ELP4: variants seen among roughly 807,000 people sequenced by gnomAD.
ELP4 encodes the protein elongator acetyltransferase complex subunit 4, also known as elongator complex protein 4.
Under a neutral mutation model 48.9 loss-of-function variants are expected in ELP4, and 51 were observed. That is an observed-to-expected ratio of 1.04 (90% CI 0.83 to 1.32). The LOEUF is 1.32. Ranked by LOEUF, ELP4 falls within the 40% of genes most tolerant of loss-of-function variation. ELP4 has a pLI of 0.00. For synonymous variants in ELP4, 210 were observed against 189.2 expected (o/e 1.11, Z -0.90); for missense variants, 519 against 514.6 (o/e 1.01, Z -0.08).
chr11:31,550,895 C>G (rs1409492873), intron 3 of ELP4, among the ~76,000 whole-genome samples: 1 of 152,162 alleles, frequency 6.6e-6, no homozygotes, highest in Non-Finnish European at 1.5e-5. Flanking sequence ...GACCTTTGCT[C>G]TTGACTTGAC....
chr11:31,696,290 C>T (rs938969851), intron 9 of ELP4, among the ~76,000 whole-genome samples: 80 of 152,128 alleles, frequency 5.3e-4, no homozygotes, highest in Non-Finnish European at 3.1e-4. Flanking sequence ...TTCCTGCTTT[C>T]TCTTGTGGGC....
chr11:31,595,667 C>A lies in ELP4; in HGVS notation c.513+766C>A, dbSNP rs189112528. Among the ~76,000 whole-genome samples the A allele has an allele frequency of 3.6e-3, 547 of 152,234 alleles. 3 individuals carry two copies. Among genetic ancestry groups the A allele is most frequent in the Admixed American group, 7.1e-3 (108 of 15,290 alleles). On this transcript the variant is annotated intron_variant, in intron 4 of 9. Transcript: ENST00000640961. ...ATTTGGTTTCCTGTTTTCACTACCC[C>A]CTTCTAAATAAATAGCAGACTGTAG...
intron 3 of ELP4, among the ~76,000 whole-genome samples, chr11:31,552,319 A>G (rs993811811): frequency 6.6e-6 from 1 of 152,160 alleles, no homozygotes; most frequent in Non-Finnish European, 1.5e-5. Flanking sequence ...AGTAGTATGT[A>G]TATGCTGATG....
At chr11:31,549,217 A>T (rs1427053643) in intron 3 of ELP4, among the ~76,000 whole-genome samples, 1 of 151,088 alleles carries the variant, frequency 6.6e-6, no homozygotes, top group East Asian at 2.0e-4. Context: ...AAATGGGAGA[A>T]AATTTTCGCA....
intron 9 of ELP4, among the ~76,000 whole-genome samples, chr11:31,754,675 A>C (rs1947796245): frequency 6.6e-6 from 1 of 152,170 alleles, no homozygotes; most frequent in Non-Finnish European, 1.5e-5. Flanking sequence ...GTTCGAGACC[A>C]GCCCAGCCAA....
chr11:31,722,705 CTT>C (rs61533654), intron 9 of ELP4, among the ~76,000 whole-genome samples: 1 of 85,956 alleles, frequency 1.2e-5, no homozygotes, highest in Admixed American at 1.1e-4. Context: ...CTGTCTCTCT[CTT>C]TCTCTCTCTC....
At chr11:31,549,307 C>CCAT (rs1281553179) in intron 3 of ELP4, among the ~76,000 whole-genome samples, 1 of 151,860 alleles carries the variant, frequency 6.6e-6, no homozygotes. Context: ...ACAAATAACC[C>CCAT]CATCAATAAG....
chr11:31,621,729 A>G (rs1282128771), intron 5 of ELP4, among the ~76,000 whole-genome samples: 1 of 151,908 alleles, frequency 6.6e-6, no homozygotes, highest in Non-Finnish European at 1.5e-5. Context: ...CAGTGCAACT[A>G]AAAGAGAAAT....
intron 5 of ELP4, among the ~76,000 whole-genome samples, chr11:31,623,561 G>T (rs2134031628): frequency 1.3e-5 from 2 of 149,002 alleles, no homozygotes; most frequent in African/African-American, 2.4e-5. Context: ...ATTTTATTTT[G>T]TTACCAAATA....
intron 9 of ELP4, among the ~76,000 whole-genome samples, chr11:31,735,996 A>G (rs1947307276): frequency 6.6e-6 from 1 of 152,174 alleles, no homozygotes; most frequent in South Asian, 2.1e-4. Context: ...ATATGGAACC[A>G]AAAAAGAGCC....
intron 9 of ELP4, among the ~76,000 whole-genome samples, chr11:31,679,922 C>T (rs187279225): frequency 4.3e-4 from 65 of 152,268 alleles, no homozygotes; most frequent in African/African-American, 1.5e-3. Flanking sequence ...GGCTGGGTCC[C>T]TCTGGAGTTG....
At chr11:31,622,484 C>G (rs1944644928) in intron 5 of ELP4, among the ~76,000 whole-genome samples, 1 of 151,496 alleles carries the variant, frequency 6.6e-6, no homozygotes, top group Non-Finnish European at 1.5e-5. Flanking sequence ...TATCATCTAC[C>G]TGTACTTGAT....
intron 9 of ELP4, among the ~76,000 whole-genome samples, chr11:31,741,315 G>C (rs997974497): frequency 6.6e-6 from 1 of 152,200 alleles, no homozygotes; most frequent in Non-Finnish European, 1.5e-5. Context: ...CTCCACCTCT[G>C]GGGGCAGGGC....
intron 2 of ELP4, among the ~76,000 whole-genome samples, chr11:31,532,770 GTTTTT>G (rs1166501622): frequency 8.1e-6 from 1 of 123,536 alleles, no homozygotes; most frequent in Non-Finnish European, 1.8e-5. Flanking sequence ...TTTTTTGTTG[GTTTTT>G]TTTTTTTTTT....
intron 3 of ELP4, among the ~76,000 whole-genome samples, chr11:31,590,299 C>A (rs1592141964): frequency 6.6e-6 from 1 of 152,008 alleles, no homozygotes; most frequent in East Asian, 1.9e-4. Context: ...GCTGTGTCCA[C>A]AAAAAACTAG....
chr11:31,519,367 G>A (rs547439383), intron 1 of ELP4, among the ~76,000 whole-genome samples: 1 of 152,306 alleles, frequency 6.6e-6, no homozygotes, highest in East Asian at 1.9e-4. Flanking sequence ...TTGTACTTCT[G>A]TAGTAGTTAA....
chr11:31,520,574 C>T (rs945799167), intron 2 of ELP4, among the ~76,000 whole-genome samples: 2 of 151,690 alleles, frequency 1.3e-5, no homozygotes, highest in African/African-American at 4.8e-5. Context: ...CCATAATTGC[C>T]TTCCTTCTTT....
intron 9 of ELP4, among the ~76,000 whole-genome samples, chr11:31,695,471 C>G (rs1010964084): frequency 6.6e-6 from 1 of 151,632 alleles, no homozygotes; most frequent in African/African-American, 2.4e-5. Flanking sequence ...TATTGATTCG[C>G]GTATGTTGAA....
rs1948438519 is a variant in ELP4 at position 31,784,180 on chromosome 11, A to T, written c.*656A>T. 6.6e-6 allele frequency: 1 copy of T among 152,258 alleles called. No homozygotes were observed. The highest frequency in any genetic ancestry group is 6.5e-5 in the Admixed American group (1 of 15,290). 9.4% of individuals were successfully genotyped at this position (152,258 alleles called of 1,614,324 possible). ...CAATTGAAGTCAGTACTATGAAATT[A>T]TGTCAACAGGCATCATTCAGGATTG... On this transcript the variant is annotated 3_prime_UTR_variant, in exon 10 of 10. Transcript: ENST00000640961.
Sources: allele counts gnomAD v4.1 joint callset (sites outside exome capture counted in the v4.1 genomes callset), GRCh38; gene constraint gnomAD v4.1.1; transcripts MANE v1.5; gene names NCBI Gene and HGNC (gene_info 2026-07-23, HGNC 2026-07-21).